Variants in SLC7A11 observed in about 807,000 individuals in gnomAD.
SLC7A11 encodes solute carrier family 7 member 11, also known as cystine/glutamate transporter.
A neutral mutation model predicts 54.5 loss-of-function variants in SLC7A11; 35 were observed. The observed-to-expected ratio is 0.64, with a 90% CI of 0.49 to 0.85. The LOEUF is 0.85. SLC7A11 is among the 40% of genes least tolerant of loss of function. The pLI is 0.00. For missense variants in SLC7A11, 583 were observed against 618.1 expected (o/e 0.94, Z 0.60); for synonymous variants, 230 against 225.2 (o/e 1.02, Z -0.19).
At chr4:138,203,705 T>C (rs540541980) in intron 6 of SLC7A11, among the ~76,000 whole-genome samples, 3 of 152,050 alleles carry the variant, frequency 2.0e-5, no homozygotes, top group African/African-American at 4.8e-5. Context: ...CTAAAACATA[T>C]CTTCATGGAC....
At chr4:138,176,167 A>G (rs1458997787) in intron 11 of SLC7A11, 1 of 152,134 alleles carries the variant, frequency 6.6e-6, no homozygotes, top group African/African-American at 2.4e-5. Flanking sequence ...AAATATTATG[A>G]ATTTTCTTTA....
chr4:138,240,042 T>C (rs934250692), intron 1 of SLC7A11, among the ~76,000 whole-genome samples: 2 of 152,194 alleles, frequency 1.3e-5, no homozygotes, highest in African/African-American at 4.8e-5. Context: ...TAATAGTGGC[T>C]AAGGGTACTA....
rs1398746569 is a variant in SLC7A11, at chr4:138,237,729, ATATATATATTTTTTTTTTTTTTTTT to A, written c.278-1303_278-1279del. Among the ~76,000 whole-genome samples the A allele has an allele frequency of 1.2e-3, 12 of 10,310 alleles. 1 individual carries two copies. Among genetic ancestry groups the A allele is most frequent in the African/African-American group, 4.5e-3 (12 of 2,678 alleles). 6.8% of individuals were successfully genotyped at this position (10,310 alleles called of 152,430 possible). On this transcript the variant is annotated intron_variant, in intron 1 of 11. Transcript: ENST00000280612. ...TATATATATATATATATATATATAT[ATATATATATTTTTTTTTTTTTTTTT>A]TTTTTTTTTTTTTTGAGATGGAGTC... is the stretch of plus-strand genomic sequence containing the variant.
chr4:138,207,932 A>C (rs1578653923), intron 6 of SLC7A11, among the ~76,000 whole-genome samples: 1 of 152,234 alleles, frequency 6.6e-6, no homozygotes, highest in East Asian at 1.9e-4. Flanking sequence ...AGAATTACAC[A>C]GTCAATAAGG....
At chr4:138,184,805 T>C (rs1200374772) in intron 7 of SLC7A11, among the ~76,000 whole-genome samples, 1 of 151,934 alleles carries the variant, frequency 6.6e-6, no homozygotes, top group African/African-American at 2.4e-5. Flanking sequence ...AAAAAATGCA[T>C]TTATTTAGAT....
intron 9 of SLC7A11, among the ~76,000 whole-genome samples, 200 bp from the exon 10 acceptor site, chr4:138,180,990 GA>G (rs1267672118): frequency 6.6e-6 from 1 of 152,102 alleles, no homozygotes; most frequent in Non-Finnish European, 1.5e-5. Context: ...GTAACAGTAT[GA>G]GAGTGATATG....
chr4:138,206,393 A>ATG (rs889315569), intron 6 of SLC7A11, among the ~76,000 whole-genome samples: 5 of 150,294 alleles, frequency 3.3e-5, no homozygotes, highest in Non-Finnish European at 7.4e-5. Context: ...ATATATATAT[A>ATG]TATATATAGC....
intron 9 of SLC7A11, among the ~76,000 whole-genome samples, chr4:138,181,061 T>C (rs1420831205): frequency 6.6e-6 from 1 of 152,112 alleles, no homozygotes; most frequent in African/African-American, 2.4e-5. Context: ...TTTTAGTTCC[T>C]TTTGCATTTG....
In SLC7A11 at chr4:138,205,537, T is replaced by C. The variant is rs183544024; in HGVS notation, c.791+9048A>G. 5.6e-4 allele frequency among the ~76,000 whole-genome samples: 85 copies of C among 152,202 alleles called. 1 individual carries two copies. In the South Asian group the frequency reaches 9.1e-3, roughly 16 times the overall value. On this transcript the variant is annotated intron_variant, in intron 6 of 11. Coordinates refer to ENST00000280612, the MANE Select transcript of SLC7A11 (RefSeq NM_014331.4). ...CCTTAGTGAACTACATGTGACATTA[T>C]GCTATTTCAGTGAGAATCTTAAACA...
Position 138,183,219 on chromosome 4 carries a change from A to G in SLC7A11, c.1002T>C (p.Gly334=). ...ALSCFGSMNG[G]VFAVSRLFYV... ...TCACTCACCTGGAGACAGCAAACAC[A>G]CCACCGTTCATGGAGCCAAAGCAGG... is the stretch of plus-strand genomic sequence containing the variant. Residue 334 remains glycine (G), a synonymous_variant, in exon 8 of 12, where the codon GGT becomes GGC. Coordinates refer to ENST00000280612, the MANE Select transcript of SLC7A11 (RefSeq NM_014331.4). 1.2e-6 allele frequency: 2 copies of G among 1,611,346 alleles called. No individual in the cohort carries two copies. Among genetic ancestry groups the G allele is most frequent in the Non-Finnish European group, 8.5e-7 (1 of 1,178,230 alleles).
chr4:138,205,324 T>A (rs1737381858), intron 6 of SLC7A11, among the ~76,000 whole-genome samples: 1 of 152,074 alleles, frequency 6.6e-6, no homozygotes, highest in Admixed American at 6.6e-5. Flanking sequence ...CTTCATTTGG[T>A]TCATTTTAGA....
chr4:138,208,201 T>C (rs529421531), intron 6 of SLC7A11, among the ~76,000 whole-genome samples: 2 of 152,232 alleles, frequency 1.3e-5, no homozygotes, highest in Admixed American at 6.6e-5. Context: ...AAACCTTCTA[T>C]TAAAGTTGAT....
intron 6 of SLC7A11, among the ~76,000 whole-genome samples, chr4:138,186,984 A>G (rs1736897073): frequency 1.3e-5 from 2 of 152,308 alleles, no homozygotes; most frequent in South Asian, 4.1e-4. Context: ...CTTAAGGTAT[A>G]TAAAGTTTCC....
rs933423281 is a variant in SLC7A11 at position 138,170,931 on chromosome 4, G to T, written c.*1025C>A. 6.6e-6 allele frequency: 1 copy of T among 152,106 alleles called. No individual in the cohort carries two copies. Among genetic ancestry groups the T allele is most frequent in the African/African-American group, 2.4e-5 (1 of 41,426 alleles). 9.4% of individuals were successfully genotyped at this position (152,106 alleles called of 1,614,324 possible). ...AATGTATAAAGAAAATGCACAAACT[G>T]TCAAAATTCATCATCGTGTAAAAAT... On this transcript the variant is annotated 3_prime_UTR_variant, in exon 12 of 12. Coordinates refer to ENST00000280612, the MANE Select transcript of SLC7A11 (RefSeq NM_014331.4).
rs1390923543 is a variant in SLC7A11 at position 138,167,566 on chromosome 4, A to C, written c.*4390T>G. 6.6e-6 allele frequency: 1 copy of C among 152,210 alleles called. No homozygotes were observed. The highest frequency in any genetic ancestry group is 1.5e-5 in the Non-Finnish European group (1 of 68,030). 9.4% of individuals were successfully genotyped at this position (152,210 alleles called of 1,614,324 possible). A position where few individuals can be genotyped will look rare whatever the true frequency, so the allele number is the denominator to read the frequency against. ...TAAAAATACTGTTTATATGAAAATT[A>C]AGCTTAAATACACGTATAGGTAATA... On this transcript the variant is annotated 3_prime_UTR_variant, in exon 12 of 12. Transcript: ENST00000280612.
intron 10 of SLC7A11, 57 bp from the exon 11 acceptor site, chr4:138,179,451 G>T: frequency 6.8e-7 from 1 of 1,473,686 alleles, no homozygotes; most frequent in Non-Finnish European, 9.4e-7. Flanking sequence ...CAGAAGCTGG[G>T]TTTGAGATGA....
chr4:138,190,059 A>G (rs900089004), intron 6 of SLC7A11, among the ~76,000 whole-genome samples: 1 of 152,176 alleles, frequency 6.6e-6, no homozygotes, highest in Non-Finnish European at 1.5e-5. Flanking sequence ...GGACACATAC[A>G]ATGGTGACTA....
At position 138,179,289 on chromosome 4, in the gene SLC7A11, G is replaced by A. The variant is rs143796881; in HGVS notation, c.1372C>T (p.Leu458=). Reference sequence around the variant, plus strand: ...AGATAATACGCAGGGACTCCAGTCAGAGTGATGACGAAGCCAATCCCTGTA... The same window carrying A: ...AGATAATACGCAGGGACTCCAGTCAAAGTGATGACGAAGCCAATCCCTGTA... ...FSTGIGFVIT[L]TGVPAYYLFI... is the part of the protein sequence containing the mutation. The change falls in exon 11 of 12, where the codon CTG becomes TTG. Residue 458 remains leucine (L), a synonymous_variant. Transcript: ENST00000280612. 6.2e-7 allele frequency: 1 copy of A among 1,612,680 alleles called. No individual in the cohort carries two copies. Among genetic ancestry groups the A allele is most frequent in the Non-Finnish European group, 8.5e-7 (1 of 1,179,040 alleles).
At chr4:138,212,142 G>C (rs1737566591) in intron 6 of SLC7A11, among the ~76,000 whole-genome samples, 1 of 151,756 alleles carries the variant, frequency 6.6e-6, no homozygotes, top group Non-Finnish European at 1.5e-5. Context: ...ATCCCATAAA[G>C]ATATTTTATG....
Sources: gnomAD v4.1 joint callset for allele counts (sites outside exome capture counted in the v4.1 genomes callset) on GRCh38, gnomAD v4.1.1 for gene constraint, MANE v1.5 for transcripts, NCBI Gene and HGNC (gene_info 2026-07-23, HGNC 2026-07-21) for gene names.